DCAF12: variants seen among roughly 807,000 people sequenced by gnomAD.
DCAF12 encodes the protein DDB1- and CUL4-associated factor 12.
DCAF12 carries 28 observed loss-of-function variants against 52.8 expected under a neutral mutation model. That is an observed-to-expected ratio of 0.53 (90% CI 0.39 to 0.73). DCAF12 has a LOEUF of 0.73. Among genes scored for constraint, DCAF12 ranks in the 30% least tolerant of loss-of-function variants. The pLI, the probability that DCAF12 is intolerant of heterozygous loss-of-function variation, is 0.00. For missense variants in DCAF12, 425 were observed against 552.2 expected (o/e 0.77, Z 2.31); for synonymous variants, 196 against 215.5 (o/e 0.91, Z 0.79).
intron 2 of DCAF12, among the ~76,000 whole-genome samples, chr9:34,116,211 G>C (rs1198942470): frequency 6.6e-6 from 1 of 151,974 alleles, no homozygotes; most frequent in Non-Finnish European, 1.5e-5. Context: ...ATAAAAATTA[G>C]CCGGGCATGG....
chr9:34,119,224 AAAC>A (rs1829134895), intron 2 of DCAF12, among the ~76,000 whole-genome samples: 1 of 152,222 alleles, frequency 6.6e-6, no homozygotes, highest in Non-Finnish European at 1.5e-5. Flanking sequence ...TAGGATAAGA[AAAC>A]GCAAGGTTCA....
intron 6 of DCAF12, 147 bp downstream of exon 6, chr9:34,096,569 A>G (rs1001190622): frequency 5.7e-6 from 4 of 706,476 alleles, no homozygotes; most frequent in African/African-American, 5.4e-5. Flanking sequence ...GCACCACTGC[A>G]CTCCAGCCTG....
chr9:34,111,634 T>G lies in DCAF12; in HGVS notation c.334-4069A>C, dbSNP rs371185662. Among the ~76,000 whole-genome samples the G allele has an allele frequency of 1.7e-4, 26 of 152,260 alleles. No individual in the cohort carries two copies. The South Asian group carries it at 2.9e-3, about 17-fold the overall frequency. The stretch of plus-strand genomic sequence containing the variant: ...CCCCACATCCCTGTGAGGGTGAGGC[T>G]CTGTAGCTGTTTTATTTGCTATAAG... On this transcript the variant is annotated intron_variant, in intron 2 of 8. Coordinates refer to ENST00000361264, the MANE Select transcript of DCAF12 (RefSeq NM_015397.4).
At chr9:34,093,684 C>G (rs1828687300) in intron 6 of DCAF12, 1 of 455,010 alleles carries the variant, frequency 2.2e-6, no homozygotes, top group Non-Finnish European at 4.0e-6. Flanking sequence ...AAAGGTAAAT[C>G]TGGAATAAAT....
chr9:34,120,455 G>A (rs1457858724), intron 2 of DCAF12, among the ~76,000 whole-genome samples: 1 of 151,746 alleles, frequency 6.6e-6, no homozygotes, highest in Non-Finnish European at 1.5e-5. Flanking sequence ...CAGATTACAT[G>A]AGGTCAGGCG....
In DCAF12 at chr9:34,126,420, T is replaced by C. The variant is rs778557229; in HGVS notation, c.12A>G (p.Lys4=). The stretch of plus-strand genomic sequence containing the variant: ...GCGCTTTCCGCTTCCTGCTAACTAC[T>C]TTCCGGGCCATAGTGGGCAGCGCCG... MAR[K]VVSRKRKAPA... Residue 4 remains lysine (K), a synonymous_variant, in exon 1 of 9, where the codon AAA becomes AAG. Transcript: ENST00000361264. 1.9e-6 allele frequency: 3 copies of C among 1,608,170 alleles called. No individual in the cohort carries two copies. Among genetic ancestry groups the C allele is most frequent in the South Asian group, 2.2e-5 (2 of 90,926 alleles).
At chr9:34,124,330 C>G (rs879917217) in intron 2 of DCAF12, among the ~76,000 whole-genome samples, 19 of 152,318 alleles carry the variant, frequency 1.2e-4, no homozygotes, top group Non-Finnish European at 2.5e-4. Context: ...TCATGCTATT[C>G]GTGGACTCTA....
In DCAF12 at chr9:34,104,159, G is replaced by A. The variant is rs142842344; in HGVS notation, c.601+2275C>T. On this transcript the variant is annotated intron_variant, in intron 4 of 8. Transcript: ENST00000361264. Reference sequence around the variant, plus strand: ...ACGCACCTGTAGTCCCAGCTACTTGGGAGGCCGAGGCAAGAGAAGTGTTTG... The same window carrying A: ...ACGCACCTGTAGTCCCAGCTACTTGAGAGGCCGAGGCAAGAGAAGTGTTTG... 7.4e-3 allele frequency among the ~76,000 whole-genome samples: 1,131 copies of A among 152,112 alleles called. 15 individuals are homozygous for A. Among genetic ancestry groups the A allele is most frequent in the African/African-American group, 0.024 (993 of 41,522 alleles).
intron 7 of DCAF12, among the ~76,000 whole-genome samples, chr9:34,091,544 G>T (rs938886325): frequency 6.7e-6 from 1 of 149,484 alleles, no homozygotes; most frequent in African/African-American, 2.5e-5. Flanking sequence ...GCTGAGGTGG[G>T]AGGACTGCTT....
intron 2 of DCAF12, among the ~76,000 whole-genome samples, chr9:34,122,373 C>T (rs1563864332): frequency 6.6e-6 from 1 of 152,206 alleles, no homozygotes; most frequent in South Asian, 2.1e-4. Context: ...TACTCTCTGC[C>T]AAGCTTCAAC....
In DCAF12 at chr9:34,088,154, A is replaced by AG. The variant is rs1828588496; in HGVS notation, c.*195dup. The AG allele has an allele frequency of 2.2e-6, 1 of 455,914 alleles. No individual in the cohort carries two copies. 28.2% of individuals were successfully genotyped at this position (455,914 alleles called of 1,614,324 possible). A position where few individuals can be genotyped will look rare whatever the true frequency, so the allele number is the denominator to read the frequency against. On this transcript the variant is annotated 3_prime_UTR_variant, in exon 9 of 9. Transcript: ENST00000361264. The stretch of plus-strand genomic sequence containing the variant: ...AAGATAGTAAAATTTTGATTACCAA[A>AG]GGGGAAAACAAAAAGCAAAACAACT...
At chr9:34,125,516 T>C (rs1292712103) in intron 1 of DCAF12, 3 of 608,864 alleles carry the variant, frequency 4.9e-6, no homozygotes, top group Non-Finnish European at 9.3e-6. Context: ...GTCAAGGGAA[T>C]GAATGCAGAA....
At chr9:34,125,623 TA>T (rs1178273823) in intron 1 of DCAF12, 1 of 476,612 alleles carries the variant, frequency 2.1e-6, no homozygotes, top group Non-Finnish European at 4.3e-6. Flanking sequence ...GCTGCATCTC[TA>T]CCCAGCCCCC....
chr9:34,091,804 G>C (rs1017406813), intron 7 of DCAF12, among the ~76,000 whole-genome samples: 8 of 152,072 alleles, frequency 5.3e-5, no homozygotes, highest in Admixed American at 2.0e-4. Context: ...CATGAGAAAT[G>C]GGATAAAGCG....
chr9:34,094,485 CA>C (rs1346751558), intron 6 of DCAF12, among the ~76,000 whole-genome samples: 2 of 151,334 alleles, frequency 1.3e-5, no homozygotes, highest in East Asian at 3.9e-4. Flanking sequence ...CTCCCTTATC[CA>C]AAAGGCTTGT....
chr9:34,126,379 G>A lies in DCAF12; in HGVS notation c.53C>T (p.Ala18Val). The stretch of plus-strand genomic sequence containing the variant: ...CTGCGGGCCCTGAGCGTCGCTCCCA[G>A]CTCCCGGCGAGGCGGGCGCTTTCCG... ...RKRKAPASPG[A>V]GSDAQGPQFG... The change falls in exon 1 of 9, where the codon GCT becomes GTT. Residue 18 changes from alanine (A) to valine (V), a missense_variant. Ala to Val is a moderately conservative substitution (Grantham distance 64). Around this residue, in one of 3 missense-constraint regions of DCAF12, gnomAD observed 89 missense variants for 84.9 expected, o/e 1.05. Coordinates refer to ENST00000361264, the MANE Select transcript of DCAF12 (RefSeq NM_015397.4). 1 of 1,612,120 alleles carries A rather than the reference G, an allele frequency of 6.2e-7. No individual in the cohort carries two copies. The highest frequency in any genetic ancestry group is 8.5e-7 in the Non-Finnish European group (1 of 1,179,804).
rs1828904755 is a variant in DCAF12, at chr9:34,106,423, G to A, written c.601+11C>T. 1 of 1,599,220 alleles carries A rather than the reference G, an allele frequency of 6.3e-7. No individual in the cohort carries two copies. The highest frequency in any genetic ancestry group is 8.5e-7 in the Non-Finnish European group (1 of 1,169,690). ...CCACATCAAAAGCTCCCTATAAAAGGGCAACTTTACCAGACACTGCCATAG... is the reference window on the plus strand; with the variant it reads ...CCACATCAAAAGCTCCCTATAAAAGAGCAACTTTACCAGACACTGCCATAG... On this transcript the variant is annotated intron_variant, in intron 4 of 8. Transcript: ENST00000361264.
rs758345985 is a variant in DCAF12, at chr9:34,088,311, T to C, written c.*39A>G. ...TCAAAAGAAACAAGGAAACTGAGAA[T>C]GGAAGTTAGTGTAAATCTCTGCATT... On this transcript the variant is annotated 3_prime_UTR_variant, in exon 9 of 9. Coordinates refer to ENST00000361264, the MANE Select transcript of DCAF12 (RefSeq NM_015397.4). 1.5e-5 allele frequency: 22 copies of C among 1,494,428 alleles called. 1 individual carries two copies. The Admixed American group carries it at 3.2e-4, about 22-fold the overall frequency. The allele number at this position is 1,494,428 out of a possible 1,614,324, so 92.6% of individuals were successfully genotyped here.
intron 3 of DCAF12, among the ~76,000 whole-genome samples, chr9:34,106,873 C>T (rs989983341): frequency 1.3e-5 from 2 of 152,186 alleles, no homozygotes; most frequent in South Asian, 2.1e-4. Context: ...TCTTCTGATA[C>T]AGCATCCTCC....
Sources: allele counts gnomAD v4.1 joint callset (sites outside exome capture counted in the v4.1 genomes callset), GRCh38; gene constraint gnomAD v4.1.1; regional missense constraint gnomAD v4.1.1; transcripts MANE v1.5; gene names NCBI Gene and HGNC (gene_info 2026-07-23, HGNC 2026-07-21).